RGS7: variants seen among roughly 807,000 people sequenced by gnomAD.
The protein encoded by RGS7 is regulator of G-protein signaling 7.
Under a neutral mutation model 81.1 loss-of-function variants are expected in RGS7, and 27 were observed. The observed-to-expected ratio is 0.33, with a 90% CI of 0.25 to 0.46. RGS7 has a LOEUF of 0.46. Among genes scored for constraint, RGS7 ranks in the 20% least tolerant of loss-of-function variants. RGS7 has a pLI of 1.00. For missense variants in RGS7, 396 were observed against 607.4 expected (o/e 0.65, Z 3.66); for synonymous variants, 208 against 207.7 (o/e 1.00, Z -0.01).
chr1:241,289,493 T>G (rs2078985715), intron 2 of RGS7, among the ~76,000 whole-genome samples: 3 of 152,218 alleles, frequency 2.0e-5, no homozygotes, highest in African/African-American at 7.2e-5. Flanking sequence ...TATCTACTTG[T>G]GTGCCCCAAC....
At chr1:240,853,818 G>A (rs577973154) in intron 9 of RGS7, among the ~76,000 whole-genome samples, 1 of 141,366 alleles carries the variant, frequency 7.1e-6, no homozygotes, top group Non-Finnish European at 1.5e-5. Flanking sequence ...GGAGAATGGC[G>A]TGAACCCGGG....
In RGS7 at chr1:240,776,243, A is replaced by G. The variant is rs373002463; in HGVS notation, c.*7-30T>C. 47 of 1,548,162 alleles carry G rather than the reference A, an allele frequency of 3.0e-5. No homozygotes were observed. The Middle Eastern group carries it at 5.0e-4, about 17-fold the overall frequency. On this transcript the variant is annotated intron_variant, in intron 18 of 18. Coordinates refer to ENST00000440928, the MANE Select transcript of RGS7 (RefSeq NM_001364886.1). ...GAAAATATATAAAACAAGAGAAAAGAAAGAAAATCAAGTACGATCACTGAA... is the reference window on the plus strand; with the variant it reads ...GAAAATATATAAAACAAGAGAAAAGGAAGAAAATCAAGTACGATCACTGAA...
intron 4 of RGS7, 132 bp downstream of exon 4, chr1:240,982,947 A>T (rs1015875678): frequency 3.3e-6 from 2 of 599,404 alleles, no homozygotes; most frequent in Non-Finnish European, 3.0e-6. Context: ...TAAATGTTAA[A>T]AGCACAGTTC....
intron 18 of RGS7, among the ~76,000 whole-genome samples, chr1:240,792,771 A>T (rs1168506589): frequency 1.3e-5 from 2 of 152,208 alleles, no homozygotes; most frequent in Non-Finnish European, 2.9e-5. Context: ...AGTATCTCCA[A>T]AGTAGTAATT....
At chr1:241,145,309 C>G (rs1417013920) in intron 2 of RGS7, among the ~76,000 whole-genome samples, 3 of 152,104 alleles carry the variant, frequency 2.0e-5, no homozygotes, top group Non-Finnish European at 2.9e-5. Flanking sequence ...TTTTATATAC[C>G]TATTTGCTCC....
At chr1:240,985,031 C>G in intron 3 of RGS7, among the ~76,000 whole-genome samples, 1 of 152,140 alleles carries the variant, frequency 6.6e-6, no homozygotes, top group East Asian at 1.9e-4. Flanking sequence ...ACTAAAACAG[C>G]TCTAAGGGTC....
At chr1:241,281,197 A>G (rs920394551) in intron 2 of RGS7, among the ~76,000 whole-genome samples, 3 of 152,250 alleles carry the variant, frequency 2.0e-5, no homozygotes, top group Admixed American at 6.5e-5. Context: ...AAACACTTAC[A>G]GATGGTACGT....
At chr1:241,233,714 G>A (rs2075782533) in intron 2 of RGS7, among the ~76,000 whole-genome samples, 1 of 151,964 alleles carries the variant, frequency 6.6e-6, no homozygotes, top group South Asian at 2.1e-4. Flanking sequence ...TGAGGATATC[G>A]CTTCAATATA....
rs1481863397 is a variant in RGS7, at chr1:241,163,575, G to A, written c.79-64813C>T. On this transcript the variant is annotated intron_variant, in intron 2 of 18. Transcript: ENST00000440928. This position sits in a 1 kb window ranked among gnomAD's most constrained non-coding sequence, Gnocchi z 4.6. The stretch of plus-strand genomic sequence containing the variant: ...GAAACATTTACCATCTATTCTCTCT[G>A]AGGGCGGCTACCTGTGAGATTTCAT... 7.0e-6 allele frequency among the ~76,000 whole-genome samples: 1 copy of A among 142,030 alleles called. No individual in the cohort carries two copies. Among genetic ancestry groups the A allele is most frequent in the African/African-American group, 2.6e-5 (1 of 38,882 alleles). The allele number at this position is 142,030 out of a possible 152,430, so 93.2% of individuals were successfully genotyped here.
intron 18 of RGS7, among the ~76,000 whole-genome samples, chr1:240,790,660 G>A (rs1200185139): frequency 6.6e-6 from 1 of 152,160 alleles, no homozygotes; most frequent in African/African-American, 2.4e-5. Context: ...GAGATGGAAT[G>A]GTCTGCTGTC....
At chr1:240,932,099 C>T (rs1675539681) in intron 5 of RGS7, among the ~76,000 whole-genome samples, 1 of 152,168 alleles carries the variant, frequency 6.6e-6, no homozygotes, top group Non-Finnish European at 1.5e-5. Flanking sequence ...AGAAGAGAGA[C>T]TCTAAAGAAG....
At chr1:241,100,652 T>G (rs768517108) in intron 2 of RGS7, among the ~76,000 whole-genome samples, 16 of 152,286 alleles carry the variant, frequency 1.1e-4, no homozygotes, top group Admixed American at 7.8e-4. Flanking sequence ...CATAAAATGG[T>G]GATAATAATA....
At chr1:240,903,834 A>G (rs1168379541) in intron 6 of RGS7, among the ~76,000 whole-genome samples, 1 of 152,110 alleles carries the variant, frequency 6.6e-6, no homozygotes, top group Admixed American at 6.5e-5. Context: ...TTCCCACCTC[A>G]CTTGTGCTTC....
chr1:240,894,903 C>A (rs1668797223), intron 6 of RGS7, among the ~76,000 whole-genome samples: 2 of 152,062 alleles, frequency 1.3e-5, no homozygotes, highest in Non-Finnish European at 2.9e-5. Flanking sequence ...TTTACTTTTT[C>A]CAGGTGATAT....
chr1:240,909,592 A>C (rs1179561984), intron 6 of RGS7, among the ~76,000 whole-genome samples: 1 of 152,214 alleles, frequency 6.6e-6, no homozygotes, highest in African/African-American at 2.4e-5. Context: ...CTATGGTTCC[A>C]TTTGCAAGGC....
intron 3 of RGS7, among the ~76,000 whole-genome samples, chr1:241,036,098 A>G (rs1317164793): frequency 6.6e-6 from 1 of 152,214 alleles, no homozygotes; most frequent in African/African-American, 2.4e-5. Context: ...GGAACAAATA[A>G]AAAGATAATT....
chr1:240,999,056 A>G (rs1472699072), intron 3 of RGS7, among the ~76,000 whole-genome samples: 1 of 151,924 alleles, frequency 6.6e-6, no homozygotes, highest in East Asian at 1.9e-4. Context: ...CTTCTATTTC[A>G]CTGACTTAGT....
chr1:240,824,012 A>AT (rs1280349110), intron 10 of RGS7, among the ~76,000 whole-genome samples: 1 of 152,176 alleles, frequency 6.6e-6, no homozygotes, highest in Non-Finnish European at 1.5e-5. Context: ...GAGATAATAC[A>AT]TTTTTACCTA....
intron 2 of RGS7, among the ~76,000 whole-genome samples, chr1:241,346,910 G>C (rs61827968): frequency 0.18 from 27,753 of 152,014 alleles, 2,910 homozygotes; most frequent in African/African-American, 0.28. Flanking sequence ...AAAGTTCAAA[G>C]AGAAAAAACA....
Sources: gnomAD v4.1 joint callset for allele counts (sites outside exome capture counted in the v4.1 genomes callset) on GRCh38, gnomAD v4.1.1 for gene constraint, Gnocchi (gnomAD v3.1) non-coding constraint, MANE v1.5 for transcripts, NCBI Gene and HGNC (gene_info 2026-07-23, HGNC 2026-07-21) for gene names.